The following SUCLG2 variants were observed in gnomAD, a reference collection of about 807,000 sequenced individuals.
The protein encoded by SUCLG2 is succinate-CoA ligase GDP-forming subunit beta, also known as succinate--CoA ligase [GDP-forming] subunit beta, mitochondrial.
SUCLG2 carries 42 observed loss-of-function variants against 47.9 expected under a neutral mutation model. The ratio of observed to expected loss-of-function variants is 0.88; its 90% CI spans 0.69 to 1.14. The LOEUF (loss-of-function observed/expected upper bound fraction) is 1.14. SUCLG2 is among the 50% of genes most tolerant of loss of function. The pLI is 0.00. For missense variants in SUCLG2, 571 were observed against 525.9 expected, an observed-to-expected ratio of 1.09 and a Z score of -0.84; for synonymous variants, 195 against 197.3, an observed-to-expected ratio of 0.99 and a Z score of 0.10.
chr3:67,648,437 T>C (rs1254421388), intron 1 of SUCLG2, among the ~76,000 whole-genome samples: 3 of 152,166 alleles, frequency 2.0e-5, no homozygotes, highest in Non-Finnish European at 4.4e-5. Flanking sequence ...AGCAATCAGT[T>C]TAACTGCCTA....
intron 9 of SUCLG2, among the ~76,000 whole-genome samples, chr3:67,487,178 CTG>C (rs1705075793): frequency 1.3e-5 from 2 of 151,544 alleles, no homozygotes; most frequent in South Asian, 4.2e-4. Flanking sequence ...ACCAGGAGAA[CTG>C]TTTCCTTTGT....
At chr3:67,542,875 G>C (rs1036224553) in intron 2 of SUCLG2, among the ~76,000 whole-genome samples, 1 of 152,158 alleles carries the variant, frequency 6.6e-6, no homozygotes, top group Non-Finnish European at 1.5e-5. Context: ...ATAATAGTGG[G>C]AGACTTTAAC....
Position 67,401,624 on chromosome 3 carries a change from C to T in SUCLG2, c.1063-773G>A, listed in dbSNP as rs1702685959. On this transcript the variant is annotated intron_variant, in intron 9 of 10. Transcript: ENST00000307227. The stretch of plus-strand genomic sequence containing the variant: ...TACTTGTCCTGACTTGATAACTAGG[C>T]ATAAGAAAATCCTGTATAATTAACA... Among the ~76,000 whole-genome samples the T allele has an allele frequency of 2.7e-5, 4 of 147,164 alleles. No individual in the cohort carries two copies. In the South Asian group the frequency reaches 8.5e-4, roughly 31 times the overall value.
At chr3:67,557,658 ATGATATATCACTGAAATCAGTGGTT>A (rs1707197147) in intron 2 of SUCLG2, among the ~76,000 whole-genome samples, 1 of 152,204 alleles carries the variant, frequency 6.6e-6, no homozygotes, top group African/African-American at 2.4e-5. Context: ...ATAGAGCTGT[ATGATATATCACTGAAATCAGTGGTT>A]TCCATGGTCC....
intron 9 of SUCLG2, among the ~76,000 whole-genome samples, chr3:67,426,253 T>C (rs537105071): frequency 2.6e-5 from 4 of 152,192 alleles, no homozygotes; most frequent in Non-Finnish European, 5.9e-5. Context: ...AGTGTCATAT[T>C]AGCACCTGAG....
intron 9 of SUCLG2, among the ~76,000 whole-genome samples, chr3:67,434,088 T>G (rs1008176671): frequency 6.6e-6 from 1 of 152,180 alleles, no homozygotes; most frequent in Non-Finnish European, 1.5e-5. Flanking sequence ...CCCAAATCAC[T>G]AAAGTACGAG....
intron 9 of SUCLG2, among the ~76,000 whole-genome samples, chr3:67,419,002 C>A (rs748625119): frequency 4.6e-5 from 7 of 151,934 alleles, no homozygotes; most frequent in Admixed American, 1.3e-4. Context: ...AAAAAAAGGT[C>A]TGCACAATGT....
chr3:67,376,370 C>T (rs1250495555), intron 10 of SUCLG2: 22 of 985,280 alleles, frequency 2.2e-5, no homozygotes, highest in Non-Finnish European at 2.5e-5. Flanking sequence ...ACGGGCAAAG[C>T]AGCCTCTGAT....
intron 9 of SUCLG2, among the ~76,000 whole-genome samples, chr3:67,443,215 T>C (rs905719037): frequency 2.0e-5 from 3 of 152,192 alleles, no homozygotes; most frequent in Non-Finnish European, 2.9e-5. Context: ...CATGTGCTGA[T>C]TTTGGTATCT....
intron 1 of SUCLG2, among the ~76,000 whole-genome samples, chr3:67,636,430 G>A (rs1450993080): frequency 2.7e-5 from 4 of 149,480 alleles, no homozygotes; most frequent in Non-Finnish European, 5.9e-5. Flanking sequence ...TCGGCTCACT[G>A]CAAGCTCTGC....
At chr3:67,636,150 G>C (rs890007560) in intron 1 of SUCLG2, among the ~76,000 whole-genome samples, 4 of 152,062 alleles carry the variant, frequency 2.6e-5, no homozygotes, top group Admixed American at 6.5e-5. Flanking sequence ...CCTTAGGAGA[G>C]GAAGTCACTT....
At chr3:67,597,593 T>C (rs1054987496) in intron 2 of SUCLG2, among the ~76,000 whole-genome samples, 7 of 152,172 alleles carry the variant, frequency 4.6e-5, no homozygotes, top group African/African-American at 1.7e-4. Context: ...CCCTTTCTTC[T>C]CTTGTTCATC....
chr3:67,456,174 G>A (rs922945100), intron 9 of SUCLG2, among the ~76,000 whole-genome samples: 1 of 152,100 alleles, frequency 6.6e-6, no homozygotes, highest in Non-Finnish European at 1.5e-5. Context: ...TGGGACTTCC[G>A]GGATTCAGCC....
intron 2 of SUCLG2, among the ~76,000 whole-genome samples, chr3:67,549,615 G>C (rs769605962): frequency 4.6e-5 from 7 of 152,066 alleles, no homozygotes; most frequent in Non-Finnish European, 8.8e-5. Context: ...TCTTTACAAT[G>C]ACTATTTATA....
chr3:67,565,959 C>A (rs1182243643), intron 2 of SUCLG2, among the ~76,000 whole-genome samples: 1 of 152,194 alleles, frequency 6.6e-6, no homozygotes, highest in Non-Finnish European at 1.5e-5. Flanking sequence ...ATCTGAAAAT[C>A]ATTCCTTCCT....
At chr3:67,365,801 T>C (rs1275152840) in intron 10 of SUCLG2, among the ~76,000 whole-genome samples, 3 of 152,184 alleles carry the variant, frequency 2.0e-5, no homozygotes, top group Admixed American at 2.0e-4. Flanking sequence ...TTTGTGAGAA[T>C]TTCTTAAATG....
Position 67,508,701 on chromosome 3 carries a change from A to C in SUCLG2, c.757+106T>G, listed in dbSNP as rs138342280. ...AACTATGGCAGAAATTAAATTACTGAAAGAAATTTATGCAAAGCTGCTGCT... is the reference window on the plus strand; with the variant it reads ...AACTATGGCAGAAATTAAATTACTGCAAGAAATTTATGCAAAGCTGCTGCT... On this transcript the variant is annotated intron_variant, in intron 7 of 10. Coordinates refer to ENST00000307227, the MANE Select transcript of SUCLG2 (RefSeq NM_003848.4). 4.4e-3 allele frequency: 3,700 copies of C among 845,302 alleles called. 88 individuals carry two copies. The East Asian group carries it at 0.058, about 13-fold the overall frequency. The allele number at this position is 845,302 out of a possible 1,614,324, so 52.4% of individuals were successfully genotyped here.
chr3:67,513,449 G>C (rs1271091092), intron 6 of SUCLG2, among the ~76,000 whole-genome samples: 1 of 152,158 alleles, frequency 6.6e-6, no homozygotes, highest in Non-Finnish European at 1.5e-5. Context: ...ATCTGATCTT[G>C]GAGACATCTC....
At position 67,462,301 on chromosome 3, in the gene SUCLG2, T is replaced by G. The variant is rs529727318; in HGVS notation, c.1062+33497A>C. Reference sequence around the variant, plus strand: ...GATTATGGGTCATTAGACCCTCATTTCCGAAGGGGTCCTGTGTCATACCTC... The same window carrying G: ...GATTATGGGTCATTAGACCCTCATTGCCGAAGGGGTCCTGTGTCATACCTC... On this transcript the variant is annotated intron_variant, in intron 9 of 10. Coordinates refer to ENST00000307227, the MANE Select transcript of SUCLG2 (RefSeq NM_003848.4). Among the ~76,000 whole-genome samples the G allele has an allele frequency of 2.0e-5, 3 of 152,244 alleles. No individual in the cohort carries two copies. The East Asian group carries it at 5.8e-4, about 30-fold the overall frequency.
Sources: gnomAD v4.1 joint callset for allele counts (sites outside exome capture counted in the v4.1 genomes callset) on GRCh38, gnomAD v4.1.1 for gene constraint, MANE v1.5 for transcripts, NCBI Gene and HGNC (gene_info 2026-07-23, HGNC 2026-07-21) for gene names.